JMJD7: variants seen among roughly 807,000 people sequenced by gnomAD.
JMJD7 encodes bifunctional peptidase and (3S)-lysyl hydroxylase JMJD7.
Under a neutral mutation model 41.1 loss-of-function variants are expected in JMJD7, and 41 were observed. The observed-to-expected ratio is 1.00, with a 90% CI of 0.78 to 1.30. JMJD7 has a LOEUF of 1.30. JMJD7 is among the 50% of genes most tolerant of loss of function. The pLI is 0.00. For missense variants in JMJD7, 480 were observed against 420.7 expected, an observed-to-expected ratio of 1.14 and a Z score of -1.23; for synonymous variants, 202 against 177.2, an observed-to-expected ratio of 1.14 and a Z score of -1.11.
chr15:41,834,083 C>T (rs552883018), intron 1 of JMJD7, among the ~76,000 whole-genome samples: 4 of 152,304 alleles, frequency 2.6e-5, no homozygotes, highest in Non-Finnish European at 4.4e-5. Context: ...CCGAAGTGTA[C>T]GTGGTGGCCC....
intron 1 of JMJD7, among the ~76,000 whole-genome samples, chr15:41,833,796 AG>A (rs1465114842): frequency 6.6e-5 from 10 of 152,206 alleles, no homozygotes; most frequent in African/African-American, 2.2e-4. Context: ...GATTTGCAGC[AG>A]GGGGACAGAT....
Position 41,833,373 on chromosome 15 carries a change from C to T in JMJD7, c.65-1367C>T, listed in dbSNP as rs7167677. 6.1e-3 allele frequency among the ~76,000 whole-genome samples: 786 copies of T among 128,932 alleles called. 11 individuals carry two copies. Among genetic ancestry groups the T allele is most frequent in the African/African-American group, 0.021 (744 of 35,154 alleles). The allele number at this position is 128,932 out of a possible 152,430, so 84.6% of individuals were successfully genotyped here. A position where few individuals can be genotyped will look rare whatever the true frequency, so the allele number is the denominator to read the frequency against. ...CTAGCAAGGGTGAAAGAATGATAAA[C>T]AGTTTATGTAGGTGAAATACATATA... On this transcript the variant is annotated intron_variant, in intron 1 of 7. Transcript: ENST00000397299.
At chr15:41,830,855 A>G (rs1323170526) in intron 1 of JMJD7, among the ~76,000 whole-genome samples, 1 of 152,328 alleles carries the variant, frequency 6.6e-6, no homozygotes, top group East Asian at 1.9e-4. Flanking sequence ...TTGGGTGCCA[A>G]CGAGCATGGG....
chr15:41,833,404 ATATATATATATTTT>A (rs1567164785), intron 1 of JMJD7, among the ~76,000 whole-genome samples: 1 of 41,154 alleles, frequency 2.4e-5, no homozygotes, highest in African/African-American at 7.3e-5. Flanking sequence ...ATATATATAT[ATATATATATATTTT>A]TTTTTTTTTT....
chr15:41,831,679 A>C (rs1051050287), intron 1 of JMJD7, among the ~76,000 whole-genome samples: 1 of 152,188 alleles, frequency 6.6e-6, no homozygotes, highest in Non-Finnish European at 1.5e-5. Flanking sequence ...CTCTTTGCTG[A>C]GAGCTGAACA....
At chr15:41,828,535 C>T (rs933062283) in intron 1 of JMJD7, 1 of 237,098 alleles carries the variant, frequency 4.2e-6, no homozygotes, top group African/African-American at 2.2e-5. Context: ...CCACCTCCGA[C>T]CTCAACTCCC....
chr15:41,835,490 T>A (rs1387809371), intron 3 of JMJD7, 98 bp from the exon 4 acceptor site: 1 of 1,511,498 alleles, frequency 6.6e-7, no homozygotes, highest in Non-Finnish European at 8.9e-7. Flanking sequence ...TTTCTTGGGA[T>A]TCTTCTGTGC....
chr15:41,837,266 CG>C lies in JMJD7; in HGVS notation c.*113del. Reference sequence around the variant, plus strand: ...GAGTGTGCATGCTGGCTGCTGGCCCCGGGTCCAGCATGGCTTGAGATCAGCT... The same window carrying C: ...GAGTGTGCATGCTGGCTGCTGGCCCCGGTCCAGCATGGCTTGAGATCAGCT... On this transcript the variant is annotated 3_prime_UTR_variant, in exon 8 of 8. Coordinates refer to ENST00000397299, the MANE Select transcript of JMJD7 (RefSeq NM_001114632.2). The C allele has an allele frequency of 1.4e-6, 1 of 718,316 alleles. No homozygotes were observed. Among genetic ancestry groups the C allele is most frequent in the Non-Finnish European group, 2.4e-6 (1 of 422,866 alleles). The allele number at this position is 718,316 out of a possible 1,614,324, so 44.5% of individuals were successfully genotyped here. A position where few individuals can be genotyped will look rare whatever the true frequency, so the allele number is the denominator to read the frequency against.
In JMJD7 at chr15:41,836,862, AC is replaced by A; in HGVS notation, c.785del (p.Thr262ArgfsTer27). ...CAGTCAGGCCCAGGCCCTTCGCTGC[AC>A]GGTGCGGGCCGGTGAGATGCTCTAT... ...SYSQAQALRC[T>X]VRAGEMLYLP... On this transcript the variant is annotated frameshift_variant, in exon 7 of 8. Coordinates refer to ENST00000397299, the MANE Select transcript of JMJD7 (RefSeq NM_001114632.2). LOFTEE classifies it high-confidence loss of function. The A allele has an allele frequency of 1.2e-6, 2 of 1,613,354 alleles. No homozygotes were observed. The highest frequency in any genetic ancestry group is 1.7e-6 in the Non-Finnish European group (2 of 1,179,800).
At chr15:41,835,518 C>G in intron 3 of JMJD7, 70 bp from the exon 4 acceptor site, 1 of 1,570,548 alleles carries the variant, frequency 6.4e-7, no homozygotes, top group Non-Finnish European at 8.6e-7. Context: ...GGTTTTGGCT[C>G]TGGCATCACT....
intron 1 of JMJD7, among the ~76,000 whole-genome samples, chr15:41,828,754 G>T (rs1273260816): frequency 6.6e-6 from 1 of 152,066 alleles, no homozygotes; most frequent in Non-Finnish European, 1.5e-5. Context: ...ATGAAGCAAG[G>T]TTTCCTCCCA....
intron 6 of JMJD7, 52 bp from the exon 7 acceptor site, chr15:41,836,729 G>A: frequency 6.5e-7 from 1 of 1,544,180 alleles, no homozygotes; most frequent in South Asian, 1.2e-5. Context: ...GACAGAGCCT[G>A]AAGTCCTGGG....
chr15:41,833,412 ATATTT>A lies in JMJD7; in HGVS notation c.65-1326_65-1322del, dbSNP rs1172901670. 8.7e-3 allele frequency among the ~76,000 whole-genome samples: 365 copies of A among 41,776 alleles called. 1 individual carries two copies. The highest frequency in any genetic ancestry group is 0.024 in the African/African-American group (356 of 14,770). The allele number at this position is 41,776 out of a possible 152,430, so 27.4% of individuals were successfully genotyped here. ...GAAATACATATATATATATATATATATATTTTTTTTTTTTTTTTTTTTTTTTGAGA... is the reference window on the plus strand; with the variant it reads ...GAAATACATATATATATATATATATATTTTTTTTTTTTTTTTTTTTTGAGA... On this transcript the variant is annotated intron_variant, in intron 1 of 7. Transcript: ENST00000397299.
At position 41,837,288 on chromosome 15, in the gene JMJD7, C is replaced by G. The variant is rs2065339542; in HGVS notation, c.*132C>G. 2 of 647,606 alleles carry G rather than the reference C, an allele frequency of 3.1e-6. No individual in the cohort carries two copies. The highest frequency in any genetic ancestry group is 2.6e-5 in the Admixed American group (1 of 37,838). The allele number at this position is 647,606 out of a possible 1,614,324, so 40.1% of individuals were successfully genotyped here. A position where few individuals can be genotyped will look rare whatever the true frequency, so the allele number is the denominator to read the frequency against. On this transcript the variant is annotated 3_prime_UTR_variant, in exon 8 of 8. Coordinates refer to ENST00000397299, the MANE Select transcript of JMJD7 (RefSeq NM_001114632.2). The stretch of plus-strand genomic sequence containing the variant: ...CCCCGGGTCCAGCATGGCTTGAGAT[C>G]AGCTTTGGAGGATCTTGGAATGTGG...
At chr15:41,835,999 G>C (rs1418743016) in intron 4 of JMJD7, 149 bp from the exon 5 acceptor site, 1 of 787,740 alleles carries the variant, frequency 1.3e-6, no homozygotes, top group Non-Finnish European at 1.9e-6. Flanking sequence ...GCCCATCAGA[G>C]CCCCTGGCAT....
At position 41,836,484 on chromosome 15, in the gene JMJD7, C is replaced by T. The variant is rs536886036; in HGVS notation, c.635C>T (p.Thr212Met). Reference protein sequence around the residue: ...DRPFIPYELYTPATYQLTEEG... With the variant: ...DRPFIPYELYMPATYQLTEEG... The stretch of plus-strand genomic sequence containing the variant: ...CTCCCTTGGGCTCCAGAGCTGTACA[C>T]GCCGGCAACCTACCAGCTAACTGAA... Residue 212 changes from threonine (T) to methionine (M), a missense_variant, in exon 6 of 8, where the codon ACG becomes ATG. Coordinates refer to ENST00000397299, the MANE Select transcript of JMJD7 (RefSeq NM_001114632.2). The T allele has an allele frequency of 6.9e-6, 11 of 1,585,658 alleles. No homozygotes were observed. The highest frequency in any genetic ancestry group is 6.8e-5 in the East Asian group (3 of 44,058).
intron 1 of JMJD7, among the ~76,000 whole-genome samples, chr15:41,831,974 C>T (rs910714433): frequency 1.8e-4 from 28 of 152,154 alleles, no homozygotes; most frequent in African/African-American, 6.5e-4. Context: ...CAGGAGCTTC[C>T]CAAGCTGGGG....
At chr15:41,832,317 G>A (rs759930265) in intron 1 of JMJD7, 21 of 179,212 alleles carry the variant, frequency 1.2e-4, no homozygotes, top group Non-Finnish European at 2.2e-4. Flanking sequence ...AGCAAAACAG[G>A]CAAAGGCATC....
At chr15:41,832,978 G>A (rs192738242) in intron 1 of JMJD7, among the ~76,000 whole-genome samples, 9 of 152,344 alleles carry the variant, frequency 5.9e-5, no homozygotes, top group Admixed American at 2.6e-4. Flanking sequence ...TGTGTGGCAA[G>A]GGCAGGCACG....
Sources: allele counts gnomAD v4.1 joint callset (sites outside exome capture counted in the v4.1 genomes callset), GRCh38; gene constraint gnomAD v4.1.1; transcripts MANE v1.5; gene names NCBI Gene and HGNC (gene_info 2026-07-23, HGNC 2026-07-21).